SHISA9: variants seen among roughly 807,000 people sequenced by gnomAD.
SHISA9 encodes the protein protein shisa-9.
SHISA9 carries 13 observed loss-of-function variants against 38.0 expected under a neutral mutation model. The observed-to-expected ratio is 0.34, with a 90% CI of 0.22 to 0.54. The LOEUF is 0.54. Ranked by LOEUF, SHISA9 falls within the 20% of genes least tolerant of loss-of-function variation. The pLI, the probability that SHISA9 is intolerant of heterozygous loss-of-function variation, is 0.91. For synonymous variants in SHISA9, 275 were observed against 242.0 expected (o/e 1.14, Z -1.27); for missense variants, 538 against 575.8 (o/e 0.93, Z 0.67).
chr16:13,006,255 G>A (rs1345922347), intron 2 of SHISA9, among the ~76,000 whole-genome samples: 1 of 152,188 alleles, frequency 6.6e-6, no homozygotes, highest in Non-Finnish European at 1.5e-5. Context: ...AACCTGGGTG[G>A]CTGCATTTTC....
rs953231870 is a variant in SHISA9, at chr16:13,240,133, C to G, written c.*4724C>G. On this transcript the variant is annotated 3_prime_UTR_variant, in exon 5 of 5. Coordinates refer to ENST00000558583, the MANE Select transcript of SHISA9 (RefSeq NM_001145204.3). ...CTTTGCCCTTTCACAGTGTCTCAGC[C>G]TCCATCTGCCTTGGGCTCCGCCTGG... 2 of 152,246 alleles carry G rather than the reference C, an allele frequency of 1.3e-5. No homozygotes were observed. Among genetic ancestry groups the G allele is most frequent in the African/African-American group, 4.8e-5 (2 of 41,444 alleles). 9.4% of individuals were successfully genotyped at this position (152,246 alleles called of 1,614,324 possible). A position where few individuals can be genotyped will look rare whatever the true frequency, so the allele number is the denominator to read the frequency against.
At chr16:13,370,148 T>C in the SHISA9 span, among the ~76,000 whole-genome samples, 1 of 152,164 alleles carries the variant, frequency 6.6e-6, no homozygotes, top group Non-Finnish European at 1.5e-5. Context: ...GTATAAGGTA[T>C]TTCCCGGGGT....
chr16:13,234,291 TA>T (rs2051359657), intron 4 of SHISA9, among the ~76,000 whole-genome samples: 1 of 152,228 alleles, frequency 6.6e-6, no homozygotes, highest in Admixed American at 6.5e-5. Flanking sequence ...GAAACAAACT[TA>T]TTTATAATGA....
the SHISA9 span, among the ~76,000 whole-genome samples, chr16:13,322,505 G>A: frequency 6.6e-6 from 1 of 152,198 alleles, no homozygotes. Context: ...GGGAATGTCT[G>A]TTTTCTTCTC....
At chr16:13,244,860 C>G (rs192186801), downstream of SHISA9, among the ~76,000 whole-genome samples, 19 of 152,344 alleles carry the variant, frequency 1.2e-4, 1 homozygote, top group East Asian at 3.3e-3. Context: ...ATCTGTGATT[C>G]TACTGTTGAC....
At chr16:13,145,680 T>C (rs1160966350) in intron 2 of SHISA9, among the ~76,000 whole-genome samples, 1 of 152,228 alleles carries the variant, frequency 6.6e-6, no homozygotes, top group Non-Finnish European at 1.5e-5. Context: ...GTACATTGTA[T>C]AGTGCATGTG....
chr16:13,078,589 A>G (rs1316086361), intron 2 of SHISA9, among the ~76,000 whole-genome samples: 2 of 152,058 alleles, frequency 1.3e-5, no homozygotes, highest in Non-Finnish European at 2.9e-5. Flanking sequence ...TATTTTTAGT[A>G]GAGATGGAGT....
chr16:13,084,475 T>C (rs1338914946), intron 2 of SHISA9, among the ~76,000 whole-genome samples: 1 of 152,184 alleles, frequency 6.6e-6, no homozygotes, highest in Non-Finnish European at 1.5e-5. Context: ...AGAGTGAGAA[T>C]GACAGACAGG....
In SHISA9 at chr16:13,018,529, G is replaced by A. The variant is rs531243692; in HGVS notation, c.691+101714G>A. 1.7e-3 allele frequency among the ~76,000 whole-genome samples: 261 copies of A among 152,286 alleles called. 2 individuals are homozygous for A. The highest frequency in any genetic ancestry group is 5.9e-3 in the African/African-American group (245 of 41,562). On this transcript the variant is annotated intron_variant, in intron 2 of 4. Transcript: ENST00000558583. Reference sequence around the variant, plus strand: ...CTTTGAGCAAGATGTGGGAAGAGGCGAAGGTTCCATCGGGATGAAGGCGAT... The same window carrying A: ...CTTTGAGCAAGATGTGGGAAGAGGCAAAGGTTCCATCGGGATGAAGGCGAT...
intron 2 of SHISA9, among the ~76,000 whole-genome samples, chr16:13,183,870 A>G (rs1288549724): frequency 2.0e-5 from 3 of 152,120 alleles, no homozygotes; most frequent in African/African-American, 4.8e-5. Flanking sequence ...GTTAGTGACC[A>G]TGGATTGGAT....
chr16:13,010,339 T>G (rs2072656490), intron 2 of SHISA9, among the ~76,000 whole-genome samples: 1 of 152,192 alleles, frequency 6.6e-6, no homozygotes, highest in Non-Finnish European at 1.5e-5. Flanking sequence ...ACTGAGTCCC[T>G]GTGTTAAGAC....
intron 2 of SHISA9, among the ~76,000 whole-genome samples, chr16:13,069,620 G>A (rs921311248): frequency 1.3e-5 from 2 of 152,156 alleles, no homozygotes; most frequent in African/African-American, 4.8e-5. Context: ...TACATGCAAT[G>A]TGTGTGTCTG....
At chr16:13,373,760 CA>C in the SHISA9 span, among the ~76,000 whole-genome samples, 50,091 of 118,674 alleles carry the variant, frequency 0.42, 9,649 homozygotes, top group East Asian at 0.52. Context: ...GACTCCGTCT[CA>C]AAAAAAAAAA....
the SHISA9 span, among the ~76,000 whole-genome samples, chr16:13,257,690 A>G: frequency 6.6e-6 from 1 of 152,306 alleles, no homozygotes; most frequent in East Asian, 1.9e-4. Flanking sequence ...CCATGGCTAT[A>G]TGAGTGTCCA....
At chr16:13,153,494 T>C (rs1296968882) in intron 2 of SHISA9, among the ~76,000 whole-genome samples, 4 of 152,286 alleles carry the variant, frequency 2.6e-5, no homozygotes, top group African/African-American at 9.6e-5. Flanking sequence ...CAGTAGATTG[T>C]TGATGTATCT....
chr16:13,381,785 G>A, the SHISA9 span, among the ~76,000 whole-genome samples: 1 of 152,160 alleles, frequency 6.6e-6, no homozygotes, highest in Non-Finnish European at 1.5e-5. Flanking sequence ...TATTGTGCCT[G>A]GAGCAGGACT....
At chr16:13,025,399 A>T (rs1376854609) in intron 2 of SHISA9, among the ~76,000 whole-genome samples, 1 of 152,208 alleles carries the variant, frequency 6.6e-6, no homozygotes, top group African/African-American at 2.4e-5. Context: ...GATTCCGATG[A>T]TGCTTAGGTT....
At chr16:13,403,347 T>C in the SHISA9 span, among the ~76,000 whole-genome samples, 15 of 152,264 alleles carry the variant, frequency 9.9e-5, no homozygotes, top group Non-Finnish European at 2.9e-5. Context: ...AATAGCTCTT[T>C]TATTCCTGAT....
At chr16:13,313,244 G>C in the SHISA9 span, among the ~76,000 whole-genome samples, 2 of 108,788 alleles carry the variant, frequency 1.8e-5, no homozygotes, top group African/African-American at 3.7e-5. Context: ...GACAGAGCGA[G>C]ACTCCGTCTC....
Sources: gnomAD v4.1 joint callset for allele counts (sites outside exome capture counted in the v4.1 genomes callset) on GRCh38, gnomAD v4.1.1 for gene constraint, MANE v1.5 for transcripts, NCBI Gene and HGNC (gene_info 2026-07-23, HGNC 2026-07-21) for gene names.